The following SYNPO2 variants were observed in gnomAD, a reference collection of about 807,000 sequenced individuals.
SYNPO2 encodes synaptopodin 2.
Under a neutral mutation model 85.0 loss-of-function variants are expected in SYNPO2, and 56 were observed. The ratio of observed to expected loss-of-function variants is 0.66; its 90% confidence interval spans 0.53 to 0.82. The LOEUF (loss-of-function observed/expected upper bound fraction) is 0.82, where lower values mean the gene tolerates loss of function less well. Ranked by LOEUF, SYNPO2 falls within the 40% of genes least tolerant of loss-of-function variation. The pLI, the probability that SYNPO2 is intolerant of heterozygous loss-of-function variation, is 0.00. For synonymous variants in SYNPO2, 602 were observed against 591.1 expected (o/e 1.02, Z -0.27); for missense variants, 1,575 against 1,534.2 (o/e 1.03, Z -0.44).
chr4:119,057,082 C>T lies in SYNPO2; in HGVS notation c.3253-319C>T, dbSNP rs1278894300. Among the ~76,000 whole-genome samples, 7 of 152,228 alleles carry T rather than the reference C, an allele frequency of 4.6e-5. 1 individual carries two copies. Among genetic ancestry groups the T allele is most frequent in the Non-Finnish European group, 1.5e-5 (1 of 68,010 alleles). On this transcript the variant is annotated intron_variant, in intron 4 of 4. Coordinates refer to ENST00000307142, the MANE Select transcript of SYNPO2 (RefSeq NM_133477.3). ...TGGTTCCTAGTGATGACAGAGCCCCCGCCCTGCCCCTAGTGACTATGCCTA... is the reference window on the plus strand; with the variant it reads ...TGGTTCCTAGTGATGACAGAGCCCCTGCCCTGCCCCTAGTGACTATGCCTA...
At chr4:119,054,694 T>C (rs908162004) in intron 4 of SYNPO2, among the ~76,000 whole-genome samples, 8 of 152,068 alleles carry the variant, frequency 5.3e-5, no homozygotes, top group Non-Finnish European at 1.2e-4. Context: ...GGGCCGCAGG[T>C]AGTTTTGGAA....
intron 1 of SYNPO2, among the ~76,000 whole-genome samples, chr4:118,900,398 T>C (rs1027169739): frequency 1.3e-5 from 2 of 152,118 alleles, no homozygotes; most frequent in African/African-American, 4.8e-5. Context: ...GTTCCACAAG[T>C]ATTTTAAGGA....
At chr4:118,938,266 GCTGAGATCGCC>G (rs1174117614) in intron 1 of SYNPO2, among the ~76,000 whole-genome samples, 3 of 152,182 alleles carry the variant, frequency 2.0e-5, no homozygotes, top group Non-Finnish European at 4.4e-5. Flanking sequence ...TTGGCAGTGA[GCTGAGATCGCC>G]CCACTGTACT....
At chr4:118,851,104 AGTCTTAGTGGAATACCAG>A (rs1731412894) in intron 1 of SYNPO2, among the ~76,000 whole-genome samples, 1 of 151,646 alleles carries the variant, frequency 6.6e-6, no homozygotes, top group South Asian at 2.1e-4. Flanking sequence ...CACTTTTCAG[AGTCTTAGTGGAATACCAG>A]GTCTTTCGTC....
intron 4 of SYNPO2, chr4:119,038,465 G>A: frequency 1.0e-6 from 1 of 985,380 alleles, no homozygotes; most frequent in Non-Finnish European, 1.2e-6. Flanking sequence ...CGTTGGCTGG[G>A]AATGGGGAAG....
intron 1 of SYNPO2, among the ~76,000 whole-genome samples, chr4:118,985,450 A>G (rs1246447441): frequency 6.6e-6 from 1 of 152,228 alleles, no homozygotes; most frequent in East Asian, 1.9e-4. Flanking sequence ...TCAGACTTCA[A>G]CAATAATCTC....
Position 119,022,740 on chromosome 4 carries a change from ATG to A in SYNPO2, c.106-688_106-687del, listed in dbSNP as rs1243890326. ...TTTTATTTTAATTTTATTTTATTTT[ATG>A]TTTTATTTTATTTTATTTTATATTT... On this transcript the variant is annotated intron_variant, in intron 1 of 4. Coordinates refer to ENST00000307142, the MANE Select transcript of SYNPO2 (RefSeq NM_133477.3). Among the ~76,000 whole-genome samples the A allele has an allele frequency of 1.4e-3, 195 of 134,644 alleles. 1 individual carries two copies. The highest frequency in any genetic ancestry group is 4.5e-3 in the African/African-American group (162 of 35,946). 88.3% of individuals were successfully genotyped at this position (134,644 alleles called of 152,430 possible). A position where few individuals can be genotyped will look rare whatever the true frequency, so the allele number is the denominator to read the frequency against.
chr4:118,916,074 A>G (rs1336710000), intron 1 of SYNPO2, among the ~76,000 whole-genome samples: 2 of 152,012 alleles, frequency 1.3e-5, no homozygotes, highest in Non-Finnish European at 2.9e-5. Context: ...CATTGTATAT[A>G]TGGTGAATGA....
chr4:119,054,711 A>G (rs1358669993), intron 4 of SYNPO2, among the ~76,000 whole-genome samples: 1 of 152,160 alleles, frequency 6.6e-6, no homozygotes, highest in Non-Finnish European at 1.5e-5. Flanking sequence ...GGAAAAAGCA[A>G]CATTCCACTG....
chr4:118,867,475 T>G (rs959621440), intron 1 of SYNPO2, among the ~76,000 whole-genome samples: 1 of 151,792 alleles, frequency 6.6e-6, no homozygotes, highest in Admixed American at 6.6e-5. Context: ...TTCTTTTTTT[T>G]TTTTTTCAGT....
At chr4:119,029,332 G>GCTAA (rs1738114116) in intron 3 of SYNPO2, among the ~76,000 whole-genome samples, 1 of 152,002 alleles carries the variant, frequency 6.6e-6, no homozygotes, top group Non-Finnish European at 1.5e-5. Context: ...AACCTAAATA[G>GCTAA]CTAAATTCAT....
At chr4:118,854,807 TAC>T (rs1237594918) in intron 1 of SYNPO2, among the ~76,000 whole-genome samples, 1 of 152,180 alleles carries the variant, frequency 6.6e-6, no homozygotes, top group Non-Finnish European at 1.5e-5. Context: ...ACTTTGTACA[TAC>T]ACACAGAGTA....
At chr4:118,983,374 C>T (rs1736103481) in intron 1 of SYNPO2, among the ~76,000 whole-genome samples, 1 of 152,164 alleles carries the variant, frequency 6.6e-6, no homozygotes, top group South Asian at 2.1e-4. Context: ...CAGACACCCC[C>T]ATGCTCTGGC....
Position 119,060,564 on chromosome 4 carries a change from T to C in SYNPO2, c.*2630T>C, listed in dbSNP as rs971172577. On this transcript the variant is annotated 3_prime_UTR_variant, in exon 5 of 5. Transcript: ENST00000307142. ...TTTGATTCCTATGGGTGAGAAGATGTAGATGACTATTGTTCTCACTAAAGT... is the reference window on the plus strand; with the variant it reads ...TTTGATTCCTATGGGTGAGAAGATGCAGATGACTATTGTTCTCACTAAAGT... 5.9e-5 allele frequency: 9 copies of C among 152,188 alleles called. No homozygotes were observed. Among genetic ancestry groups the C allele is most frequent in the South Asian group, 2.1e-4 (1 of 4,832 alleles). The allele number at this position is 152,188 out of a possible 1,614,324, so 9.4% of individuals were successfully genotyped here.
At chr4:118,868,315 A>G (rs928580321) in intron 1 of SYNPO2, among the ~76,000 whole-genome samples, 7 of 152,250 alleles carry the variant, frequency 4.6e-5, no homozygotes, top group African/African-American at 1.4e-4. Context: ...CGTATCTCAC[A>G]TATTTCACCT....
chr4:119,016,480 T>C (rs886797172), intron 1 of SYNPO2, among the ~76,000 whole-genome samples: 6 of 152,204 alleles, frequency 3.9e-5, no homozygotes, highest in Non-Finnish European at 2.9e-5. Context: ...TGCTCTCTTT[T>C]CTTAGTAATT....
At chr4:119,044,143 A>G (rs1738806441) in intron 4 of SYNPO2, among the ~76,000 whole-genome samples, 1 of 152,168 alleles carries the variant, frequency 6.6e-6, no homozygotes, top group South Asian at 2.1e-4. Context: ...CAATGGAAGT[A>G]AATGCTGCTT....
intron 1 of SYNPO2, among the ~76,000 whole-genome samples, chr4:118,906,971 C>T (rs1187301140): frequency 6.6e-6 from 1 of 151,662 alleles, no homozygotes; most frequent in Non-Finnish European, 1.5e-5. Context: ...CCACACCCAG[C>T]TAATTTTTTT....
chr4:118,999,072 G>T (rs908691405), intron 1 of SYNPO2, among the ~76,000 whole-genome samples: 5 of 152,112 alleles, frequency 3.3e-5, no homozygotes, highest in African/African-American at 1.2e-4. Flanking sequence ...ACCTCTCAGG[G>T]TTATTGTGAG....
Sources: gnomAD v4.1 joint callset for allele counts (sites outside exome capture counted in the v4.1 genomes callset) on GRCh38, gnomAD v4.1.1 for gene constraint, MANE v1.5 for transcripts, NCBI Gene and HGNC (gene_info 2026-07-23, HGNC 2026-07-21) for gene names.